FAAH2: variants seen among roughly 807,000 people sequenced by gnomAD.
The protein encoded by FAAH2 is fatty-acid amide hydrolase 2.
Under a neutral mutation model 36.9 loss-of-function variants are expected in FAAH2, and 60 were observed. The observed-to-expected ratio is 1.63, with a 90% CI of 1.32 to 2.02. The LOEUF is 2.02. Ranked by LOEUF, FAAH2 falls within the 30% of genes most tolerant of loss-of-function variation. The pLI is 0.00. For missense variants in FAAH2, 689 were observed against 397.5 expected, an observed-to-expected ratio of 1.73 and a Z score of -6.23; for synonymous variants, 214 against 143.8, an observed-to-expected ratio of 1.49 and a Z score of -3.49.
At chrX:57,365,221 C>T (rs1338389032) in intron 5 of FAAH2, among the ~76,000 whole-genome samples, 1 of 112,048 alleles carries the variant, frequency 8.9e-6, no homozygotes, top group Non-Finnish European at 1.9e-5. Context: ...ATATTTAGCA[C>T]TCACTTAAGG....
the FAAH2 span, among the ~76,000 whole-genome samples, chrX:57,243,016 C>T: frequency 8.9e-6 from 1 of 112,174 alleles, no homozygotes; most frequent in Non-Finnish European, 1.9e-5. Context: ...GAAATTCTTG[C>T]TGCCAGCACA....
intron 7 of FAAH2, among the ~76,000 whole-genome samples, chrX:57,428,198 A>C (rs2056208429): frequency 8.9e-6 from 1 of 112,132 alleles, no homozygotes; most frequent in Admixed American, 9.5e-5. Flanking sequence ...GGAAGTGAAA[A>C]ATACCTACAA....
chrX:57,428,025 C>T (rs756279612), intron 7 of FAAH2, among the ~76,000 whole-genome samples: 43 of 111,592 alleles, frequency 3.9e-4, no homozygotes, highest in African/African-American at 1.3e-3. Flanking sequence ...CCCAAAGACT[C>T]CTAGATTTGA....
chrX:57,140,598 CAAAAAA>C, the FAAH2 span, among the ~76,000 whole-genome samples: 1 of 58,831 alleles, frequency 1.7e-5, no homozygotes, highest in African/African-American at 5.1e-5. Flanking sequence ...GACCCCGTCT[CAAAAAA>C]AAAAAAAAAA....
the FAAH2 span, among the ~76,000 whole-genome samples, chrX:57,276,967 C>G: frequency 9.0e-6 from 1 of 111,117 alleles, no homozygotes; most frequent in African/African-American, 3.3e-5. Flanking sequence ...CAGGATCGGA[C>G]GTATTCACAG....
the FAAH2 span, among the ~76,000 whole-genome samples, chrX:57,181,294 A>T: frequency 8.9e-6 from 1 of 112,012 alleles, no homozygotes; most frequent in Non-Finnish European, 1.9e-5. Context: ...AAAGGAAGTG[A>T]AAGTATTTCT....
intron 7 of FAAH2, 131 bp from the exon 8 acceptor site, chrX:57,431,787 G>GTTGTTTTT: frequency 1.5e-5 from 2 of 135,849 alleles, no homozygotes; most frequent in Non-Finnish European, 2.5e-5. Flanking sequence ...TTGTTTTTTT[G>GTTGTTTTT]TTTTTTTTGG....
chrX:57,247,696 G>T, the FAAH2 span, among the ~76,000 whole-genome samples: 131 of 112,101 alleles, frequency 1.2e-3, 1 homozygote, highest in East Asian at 0.034. Context: ...AGAAGTAAAA[G>T]ACCAGGACAA....
At chrX:57,191,574 C>A in the FAAH2 span, among the ~76,000 whole-genome samples, 8 of 111,562 alleles carry the variant, frequency 7.2e-5, no homozygotes, top group Non-Finnish European at 9.4e-5. Flanking sequence ...AGACCAATGT[C>A]CTGGAGAATT....
chrX:57,305,530 TCTAGTTTTGCTCTCC>T lies in FAAH2; in HGVS notation c.276-5060_276-5046del, dbSNP rs1302381203. Among the ~76,000 whole-genome samples, 3 of 111,572 alleles carry T rather than the reference TCTAGTTTTGCTCTCC, an allele frequency of 2.7e-5. No homozygotes were observed. In the South Asian group the frequency reaches 1.1e-3, roughly 42 times the overall value. ...TGCCTACTGCAGTAATCTTTATGTT[TCTAGTTTTGCTCTCC>T]CTTCCCCATACTTTTTATTTTGCAA... On this transcript the variant is annotated intron_variant, in intron 2 of 10. Transcript: ENST00000374900.
At chrX:57,483,958 A>T (rs928387587) in intron 10 of FAAH2, among the ~76,000 whole-genome samples, 1 of 109,110 alleles carries the variant, frequency 9.2e-6, no homozygotes, top group African/African-American at 3.4e-5. Context: ...GGCATGTGCC[A>T]CCACACCCAG....
chrX:57,177,206 G>A, the FAAH2 span, among the ~76,000 whole-genome samples: 1 of 110,178 alleles, frequency 9.1e-6, no homozygotes, highest in South Asian at 3.9e-4. Flanking sequence ...TATCTTTTCA[G>A]TGGGAAGTGA....
At chrX:57,211,411 G>C in the FAAH2 span, among the ~76,000 whole-genome samples, 4 of 111,535 alleles carry the variant, frequency 3.6e-5, no homozygotes, top group Admixed American at 9.5e-5. Flanking sequence ...GTCAGAGTGT[G>C]ATCCTGCCTT....
intron 7 of FAAH2, among the ~76,000 whole-genome samples, chrX:57,419,123 G>A (rs1161555120): frequency 2.8e-5 from 3 of 108,803 alleles, no homozygotes; most frequent in African/African-American, 1.0e-4. Context: ...ATCATTGTTG[G>A]ACATTTGGGT....
chrX:57,219,038 T>G, the FAAH2 span, among the ~76,000 whole-genome samples: 2 of 111,660 alleles, frequency 1.8e-5, no homozygotes, highest in African/African-American at 6.5e-5. Context: ...TGCGGCAGCA[T>G]GCACCAGCAA....
chrX:57,405,217 G>A (rs1037084188), intron 7 of FAAH2, among the ~76,000 whole-genome samples: 1 of 111,418 alleles, frequency 9.0e-6, no homozygotes, highest in Non-Finnish European at 1.9e-5. Context: ...GGGGATCCTT[G>A]CTCCCAGAGC....
the FAAH2 span, among the ~76,000 whole-genome samples, chrX:57,165,405 T>G: frequency 9.0e-6 from 1 of 111,626 alleles, no homozygotes; most frequent in African/African-American, 3.3e-5. Flanking sequence ...ATGGATGAAA[T>G]TGGAAATCAT....
At chrX:57,163,867 C>T in the FAAH2 span, among the ~76,000 whole-genome samples, 8 of 112,229 alleles carry the variant, frequency 7.1e-5, no homozygotes, top group Non-Finnish European at 9.4e-5. Context: ...TGTTTCTATT[C>T]GGCCATCTTG....
intron 10 of FAAH2, among the ~76,000 whole-genome samples, chrX:57,468,441 G>A (rs975680464): frequency 5.3e-5 from 6 of 112,223 alleles, no homozygotes; most frequent in Non-Finnish European, 7.5e-5. Context: ...TGAGAATGAC[G>A]TGATGAATGC....
Sources: allele counts gnomAD v4.1 joint callset (sites outside exome capture counted in the v4.1 genomes callset), GRCh38; gene constraint gnomAD v4.1.1; transcripts MANE v1.5; gene names NCBI Gene and HGNC (gene_info 2026-07-23, HGNC 2026-07-21).